Variants in SMARCA2 observed in about 807,000 individuals in gnomAD.
SMARCA2 encodes SWI/SNF related BAF chromatin remodeling complex subunit ATPase 2, also known as SWI/SNF-related matrix-associated actin-dependent regulator of chromatin subfamily A member 2.
Under a neutral mutation model 199.8 loss-of-function variants are expected in SMARCA2, and 61 were observed. The ratio of observed to expected loss-of-function variants is 0.31; its 90% CI spans 0.25 to 0.38. The LOEUF is 0.38. Among genes scored for constraint, SMARCA2 ranks in the 10% least tolerant of loss-of-function variants. The probability of loss-of-function intolerance (pLI) is 1.00; values close to 1 mark genes in which losing one functional copy is unlikely to be tolerated. For missense variants in SMARCA2, 1,344 were observed against 2,012.2 expected, an observed-to-expected ratio of 0.67 and a Z score of 6.35; for synonymous variants, 935 against 732.0, an observed-to-expected ratio of 1.28 and a Z score of -4.48.
chr9:2,074,177 C>T (rs1160126599), intron 12 of SMARCA2, among the ~76,000 whole-genome samples: 1 of 152,060 alleles, frequency 6.6e-6, no homozygotes, highest in Non-Finnish European at 1.5e-5. Flanking sequence ...CGCTCAGTCT[C>T]TTGGAAGGAA....
At chr9:2,135,808 G>C (rs531508429) in intron 27 of SMARCA2, among the ~76,000 whole-genome samples, 25 of 152,162 alleles carry the variant, frequency 1.6e-4, no homozygotes, top group African/African-American at 6.0e-4. Context: ...CTCCCAAAGT[G>C]CTGGGATTAC....
intron 1 of SMARCA2, among the ~76,000 whole-genome samples, chr9:2,019,264 T>A (rs1213178523): frequency 6.6e-6 from 1 of 151,526 alleles, no homozygotes; most frequent in Non-Finnish European, 1.5e-5. Flanking sequence ...TTGAAGAGGG[T>A]GAGGGGAGGG....
In SMARCA2 at chr9:2,161,598, G is replaced by T; in HGVS notation, c.3982-88G>T. 3.6e-6 allele frequency: 3 copies of T among 831,880 alleles called. No homozygotes were observed. Among genetic ancestry groups the T allele is most frequent in the Non-Finnish European group, 5.7e-6 (3 of 524,712 alleles). 51.5% of individuals were successfully genotyped at this position (831,880 alleles called of 1,614,324 possible). On this transcript the variant is annotated intron_variant, in intron 27 of 33. Transcript: ENST00000349721. The surrounding 1 kb of genome is among the most constrained non-coding windows in gnomAD (Gnocchi z 4.7). The stretch of plus-strand genomic sequence containing the variant: ...TAATTTCTTTCATTTTATTCTAATT[G>T]TTGGAGCTATATATAAATATACACA...
chr9:2,147,381 A>G (rs1824814565), intron 27 of SMARCA2, among the ~76,000 whole-genome samples: 1 of 152,216 alleles, frequency 6.6e-6, no homozygotes, highest in Non-Finnish European at 1.5e-5. Flanking sequence ...GGGTGAGAAA[A>G]TAATATGTCA....
chr9:2,031,012 G>C (rs1819043428), intron 2 of SMARCA2, among the ~76,000 whole-genome samples: 1 of 152,134 alleles, frequency 6.6e-6, no homozygotes, highest in Non-Finnish European at 1.5e-5. Context: ...ACAGCTTGTT[G>C]TACATGCTTT....
chr9:2,190,350 G>A (rs1348553942), intron 32 of SMARCA2, among the ~76,000 whole-genome samples: 2 of 152,152 alleles, frequency 1.3e-5, no homozygotes, highest in Non-Finnish European at 2.9e-5. Flanking sequence ...AGCAAAAAAA[G>A]CAGCAAACTT....
At chr9:2,181,083 G>C (rs1826987400) in intron 29 of SMARCA2, 3 of 153,862 alleles carry the variant, frequency 1.9e-5, no homozygotes, top group South Asian at 4.1e-4. Flanking sequence ...CTTTTCACTT[G>C]AGTTTCCAGA....
intron 3 of SMARCA2, among the ~76,000 whole-genome samples, chr9:2,034,479 C>T (rs1440792351): frequency 2.6e-5 from 4 of 152,146 alleles, no homozygotes; most frequent in Non-Finnish European, 4.4e-5. Flanking sequence ...AGCCTGATTT[C>T]AGAGTCATTA....
In SMARCA2 at chr9:2,015,424, C is replaced by G. The variant is rs1168653456; in HGVS notation, c.-37+20C>G. The G allele has an allele frequency of 1.3e-5, 2 of 152,986 alleles. No individual in the cohort carries two copies. Among genetic ancestry groups the G allele is most frequent in the Non-Finnish European group, 2.9e-5 (2 of 68,670 alleles). The allele number at this position is 152,986 out of a possible 1,614,324, so 9.5% of individuals were successfully genotyped here. The stretch of plus-strand genomic sequence containing the variant: ...AGCAAGGTAAATATAACTTACAACT[C>G]TTTTCTCCTCTTTCCCCTCCCTTCG... On this transcript the variant is annotated intron_variant, in intron 1 of 33. Transcript: ENST00000349721.
rs922832811 is a variant in SMARCA2 at position 2,119,968 on chromosome 9, G to C, written c.3762+433G>C. Among the ~76,000 whole-genome samples, 5 of 152,202 alleles carry C rather than the reference G, an allele frequency of 3.3e-5. No individual in the cohort carries two copies. The highest frequency in any genetic ancestry group is 1.2e-4 in the African/African-American group (5 of 41,448). ...TCAGGAAGCCTACCTGGCTCCTATA[G>C]GCATTGGAACTTACAACAGTGCCCT... On this transcript the variant is annotated intron_variant, in intron 26 of 33. Transcript: ENST00000349721. The surrounding 1 kb of genome is among the most constrained non-coding windows in gnomAD (Gnocchi z 4.6).
At chr9:2,022,175 A>G (rs1818634278) in intron 1 of SMARCA2, 1 of 152,230 alleles carries the variant, frequency 6.6e-6, no homozygotes, top group African/African-American at 2.4e-5. Context: ...GAAGTTTTGA[A>G]CAAGGGAATA....
Position 2,039,792 on chromosome 9 carries a change from CA to C in SMARCA2, c.683del (p.Gln228ArgfsTer42), listed in dbSNP as rs757850599. On this transcript the variant is annotated frameshift_variant, in exon 4 of 34. Coordinates refer to ENST00000349721, the MANE Select transcript of SMARCA2 (RefSeq NM_003070.5). LOFTEE classifies it high-confidence loss of function. The surrounding 1 kb of genome is among the most constrained non-coding windows in gnomAD (Gnocchi z 4.8). ...QQQQQQQQQQ[Q>X]QQQQQQQQQQ... ...GCAGCAGCAACAGCAGCAGCAGCAG[CA>C]GCAGCAGCAGCAGCAGCAGCAGCAA... is the stretch of plus-strand genomic sequence containing the variant. 8.2e-6 allele frequency: 13 copies of C among 1,592,898 alleles called. No individual in the cohort carries two copies. The East Asian group carries it at 1.1e-4, about 14-fold the overall frequency.
In SMARCA2 at chr9:2,039,298, C is replaced by G. The variant is rs1406052253; in HGVS notation, c.356-168C>G. The stretch of plus-strand genomic sequence containing the variant: ...TTTTAAATTTTACATATATATAAAG[C>G]ACATATTGATATGTAAAGATCTTAA... On this transcript the variant is annotated intron_variant, in intron 3 of 33. Transcript: ENST00000349721. The surrounding 1 kb of genome is among the most constrained non-coding windows in gnomAD (Gnocchi z 4.8). Among the ~76,000 whole-genome samples the G allele has an allele frequency of 2.7e-5, 4 of 150,678 alleles. No individual in the cohort carries two copies. In the East Asian group the frequency reaches 7.8e-4, roughly 29 times the overall value.
rs1822899039 is a variant in SMARCA2 at position 2,109,529 on chromosome 9, CA to C, written c.3293-723del. Among the ~76,000 whole-genome samples, 16 of 152,260 alleles carry C rather than the reference CA, an allele frequency of 1.1e-4. No homozygotes were observed. In the South Asian group the frequency reaches 3.3e-3, roughly 32 times the overall value. ...CAGACCCCATGGGGCAAACCACCCC[CA>C]AGTATTTAACATGCTGCTCTGTTTA... On this transcript the variant is annotated intron_variant, in intron 23 of 33. Coordinates refer to ENST00000349721, the MANE Select transcript of SMARCA2 (RefSeq NM_003070.5).
intron 5 of SMARCA2, among the ~76,000 whole-genome samples, chr9:2,053,953 A>G (rs766432379): frequency 7.2e-5 from 11 of 152,132 alleles, no homozygotes; most frequent in Non-Finnish European, 1.0e-4. Flanking sequence ...TTTGAGTACT[A>G]TTTACTGCTG....
intron 1 of SMARCA2, 67 bp downstream of exon 1, chr9:2,015,471 C>T (rs960103730): frequency 5.2e-5 from 8 of 153,032 alleles, no homozygotes; most frequent in African/African-American, 1.9e-4. Flanking sequence ...GCAGCCGCCG[C>T]TCAGACCCCT....
intron 19 of SMARCA2, among the ~76,000 whole-genome samples, chr9:2,094,830 T>C (rs1310235404): frequency 6.6e-6 from 1 of 152,136 alleles, no homozygotes; most frequent in Non-Finnish European, 1.5e-5. Context: ...GTAATATTAG[T>C]CCTTGATGTC....
chr9:2,083,292 C>A, intron 15 of SMARCA2, 55 bp from the exon 16 acceptor site: 3 of 1,164,832 alleles, frequency 2.6e-6, no homozygotes, highest in Admixed American at 2.1e-5. Flanking sequence ...TCTTTTTAAC[C>A]ATTGATTTTT....
intron 13 of SMARCA2, among the ~76,000 whole-genome samples, chr9:2,076,554 T>A (rs1345991959): frequency 6.6e-6 from 1 of 151,800 alleles, no homozygotes; most frequent in Non-Finnish European, 1.5e-5. Context: ...CTTCCCTTTC[T>A]TTCTCACTTC....
Sources: gnomAD v4.1 joint callset for allele counts (sites outside exome capture counted in the v4.1 genomes callset) on GRCh38, gnomAD v4.1.1 for gene constraint, Gnocchi (gnomAD v3.1) non-coding constraint, MANE v1.5 for transcripts, NCBI Gene and HGNC (gene_info 2026-07-23, HGNC 2026-07-21) for gene names.